The following HNF4G variants were observed in gnomAD, a reference collection of about 807,000 sequenced individuals.
HNF4G encodes the protein hepatocyte nuclear factor 4-gamma.
In HNF4G, 21 loss-of-function variants were observed where a neutral mutation model predicts 50.9. The observed-to-expected ratio is 0.41, with a 90% CI of 0.29 to 0.59. HNF4G has a LOEUF of 0.59. HNF4G is among the 20% of genes least tolerant of loss of function. The pLI is 0.26. For synonymous variants in HNF4G, 198 were observed against 185.6 expected (o/e 1.07, Z -0.54); for missense variants, 527 against 559.4 (o/e 0.94, Z 0.58).
At chr8:75,439,565 G>A (rs1811224603) in intron 1 of HNF4G, among the ~76,000 whole-genome samples, 1 of 151,806 alleles carries the variant, frequency 6.6e-6, no homozygotes, top group Non-Finnish European at 1.5e-5. Context: ...TTTTTTCTTA[G>A]AAAGAAGTGT....
intron 4 of HNF4G, 103 bp downstream of exon 4, chr8:75,551,597 A>G (rs938214606): frequency 1.7e-5 from 11 of 666,648 alleles, no homozygotes; most frequent in Admixed American, 1.2e-4. Context: ...GCTCATTACT[A>G]AAATAAGTTA....
intron 2 of HNF4G, among the ~76,000 whole-genome samples, chr8:75,518,810 C>G (rs1272201675): frequency 1.3e-5 from 2 of 152,074 alleles, no homozygotes; most frequent in African/African-American, 4.8e-5. Flanking sequence ...TCTGATATAC[C>G]CCAGAGACAT....
intron 1 of HNF4G, among the ~76,000 whole-genome samples, chr8:75,541,077 T>A (rs1323126213): frequency 6.6e-6 from 1 of 152,102 alleles, no homozygotes; most frequent in Non-Finnish European, 1.5e-5. Flanking sequence ...GTAGTGCAAC[T>A]TTCAGGAAAT....
chr8:75,486,985 G>T (rs568868031), intron 1 of HNF4G, among the ~76,000 whole-genome samples: 4 of 152,058 alleles, frequency 2.6e-5, no homozygotes, highest in Non-Finnish European at 5.9e-5. Flanking sequence ...CAGCATGTGC[G>T]ACAGAGCGAG....
chr8:75,474,320 G>T (rs190055969), intron 1 of HNF4G, among the ~76,000 whole-genome samples: 1 of 152,294 alleles, frequency 6.6e-6, no homozygotes, highest in African/African-American at 2.4e-5. Flanking sequence ...ACTTTTAAGT[G>T]TGTAAAAACA....
At chr8:75,522,295 C>G (rs76843350) in intron 2 of HNF4G, among the ~76,000 whole-genome samples, 1 of 152,098 alleles carries the variant, frequency 6.6e-6, no homozygotes, top group Non-Finnish European at 1.5e-5. Flanking sequence ...GTTTATATAG[C>G]TTGGAATATA....
intron 8 of HNF4G, 23 bp from the exon 9 acceptor site, chr8:75,560,321 C>T (rs1409858100): frequency 2.5e-6 from 4 of 1,610,322 alleles, no homozygotes; most frequent in Non-Finnish European, 3.4e-6. Context: ...ATCACTAACA[C>T]AGCATCTTTT....
chr8:75,481,548 A>G (rs901994941), intron 1 of HNF4G, among the ~76,000 whole-genome samples: 12 of 152,090 alleles, frequency 7.9e-5, no homozygotes, highest in African/African-American at 2.4e-4. Context: ...TATGTACTTG[A>G]TGAGTTTCTG....
chr8:75,523,444 A>G (rs1806099023), intron 2 of HNF4G, among the ~76,000 whole-genome samples: 1 of 152,148 alleles, frequency 6.6e-6, no homozygotes, highest in Non-Finnish European at 1.5e-5. Context: ...AAAATATTTT[A>G]ATCTTTTATT....
upstream of HNF4G, chr8:75,539,756 G>C (rs1175908477): frequency 6.8e-6 from 3 of 442,004 alleles, no homozygotes; most frequent in Non-Finnish European, 1.2e-5. Context: ...ACAAGGAATT[G>C]CTTTCATATG....
intron 2 of HNF4G, among the ~76,000 whole-genome samples, chr8:75,514,127 T>C (rs1377617298): frequency 3.3e-5 from 5 of 151,902 alleles, no homozygotes; most frequent in Admixed American, 1.3e-4. Flanking sequence ...TCTATATTAA[T>C]AGCTAAATAA....
intron 1 of HNF4G, among the ~76,000 whole-genome samples, chr8:75,540,912 C>T (rs1806602482): frequency 1.3e-5 from 2 of 148,478 alleles, no homozygotes; most frequent in Non-Finnish European, 3.0e-5. Flanking sequence ...ATATCTTGTA[C>T]TGAGGATATC....
chr8:75,566,245 G>C lies in HNF4G; in HGVS notation c.*2149G>C, dbSNP rs1351419281. On this transcript the variant is annotated 3_prime_UTR_variant, in exon 10 of 10. Coordinates refer to ENST00000396423, the MANE Select transcript of HNF4G (RefSeq NM_004133.5). ...ATAAAAGGAAAAAGGTAGCTCTCTC[G>C]AGTCTCTTTAATAAAGATACTAATT... The C allele has an allele frequency of 6.6e-6, 1 of 152,066 alleles. No homozygotes were observed. Among genetic ancestry groups the C allele is most frequent in the Non-Finnish European group, 1.5e-5 (1 of 68,016 alleles). 9.4% of individuals were successfully genotyped at this position (152,066 alleles called of 1,614,324 possible). A position where few individuals can be genotyped will look rare whatever the true frequency, so the allele number is the denominator to read the frequency against.
chr8:75,533,535 T>A (rs972081384), intron 2 of HNF4G, among the ~76,000 whole-genome samples: 5 of 151,964 alleles, frequency 3.3e-5, no homozygotes, highest in African/African-American at 7.2e-5. Flanking sequence ...AAGCCACCAC[T>A]TTACCCACTG....
chr8:75,558,431 C>T lies in HNF4G; in HGVS notation c.734-87C>T, dbSNP rs866866195. On this transcript the variant is annotated intron_variant, in intron 6 of 9. Transcript: ENST00000396423. ...CTTCAAGGGTAGACTATTTTAAACACCGGTTTGTTAAATTTTAAACAGTGC... is the reference window on the plus strand; with the variant it reads ...CTTCAAGGGTAGACTATTTTAAACATCGGTTTGTTAAATTTTAAACAGTGC... 1.5e-4 allele frequency: 189 copies of T among 1,227,458 alleles called. 2 individuals carry two copies. The South Asian group carries it at 2.3e-3, about 15-fold the overall frequency. 76.0% of individuals were successfully genotyped at this position (1,227,458 alleles called of 1,614,324 possible).
intron 2 of HNF4G, among the ~76,000 whole-genome samples, chr8:75,523,181 C>T (rs1024682877): frequency 7.2e-5 from 11 of 151,752 alleles, no homozygotes; most frequent in East Asian, 1.9e-4. Flanking sequence ...GCCGAGATCG[C>T]GCCACTGCAC....
chr8:75,520,472 C>T (rs1806010855), intron 2 of HNF4G, among the ~76,000 whole-genome samples: 1 of 151,716 alleles, frequency 6.6e-6, no homozygotes, highest in African/African-American at 2.4e-5. Context: ...GGGTCTTACT[C>T]TGTTGCTCAG....
intron 2 of HNF4G, among the ~76,000 whole-genome samples, chr8:75,504,439 A>G (rs1405927038): frequency 6.6e-6 from 1 of 152,196 alleles, no homozygotes; most frequent in African/African-American, 2.4e-5. Context: ...TACTAGGTCA[A>G]AAGTTACAAG....
At chr8:75,418,055 T>G (rs2130480281) in intron 1 of HNF4G, among the ~76,000 whole-genome samples, 1 of 152,242 alleles carries the variant, frequency 6.6e-6, no homozygotes, top group East Asian at 1.9e-4. Flanking sequence ...ACTGGGTGGC[T>G]TAAATAACAG....
Sources: allele counts gnomAD v4.1 joint callset (sites outside exome capture counted in the v4.1 genomes callset), GRCh38; gene constraint gnomAD v4.1.1; transcripts MANE v1.5; gene names NCBI Gene and HGNC (gene_info 2026-07-23, HGNC 2026-07-21).